The following CKM variants were observed in gnomAD, a reference collection of about 807,000 sequenced individuals.
The protein encoded by CKM is creatine kinase, M-type.
A neutral mutation model predicts 35.4 loss-of-function variants in CKM; 28 were observed. That is an observed-to-expected ratio of 0.79 (90% confidence interval 0.59 to 1.08). CKM has a LOEUF of 1.08. Ranked by LOEUF, CKM falls within the 50% of genes least tolerant of loss-of-function variation. The pLI is 0.00. For synonymous variants in CKM, 215 were observed against 204.4 expected, an observed-to-expected ratio of 1.05 and a Z score of -0.44; for missense variants, 484 against 509.8, an observed-to-expected ratio of 0.95 and a Z score of 0.49.
intron 4 of CKM, among the ~76,000 whole-genome samples, chr19:45,314,472 G>A (rs1971138977): frequency 6.6e-6 from 1 of 151,908 alleles, no homozygotes; most frequent in Non-Finnish European, 1.5e-5. Context: ...GGAGTGCAGT[G>A]GCGTGATCTC....
intron 1 of CKM, among the ~76,000 whole-genome samples, chr19:45,320,223 A>T (rs751563897): frequency 6.6e-6 from 1 of 152,108 alleles, no homozygotes; most frequent in Non-Finnish European, 1.5e-5. Context: ...AGTAGCTGGG[A>T]TTACAGGCGC....
intron 3 of CKM, among the ~76,000 whole-genome samples, chr19:45,317,111 C>CT (rs201586903): frequency 5.6e-4 from 84 of 149,512 alleles, no homozygotes; most frequent in African/African-American, 6.3e-4. Flanking sequence ...TCTCTCTTTC[C>CT]TTTTTTTATT....
intron 3 of CKM, 42 bp downstream of exon 3, chr19:45,317,783 C>A: frequency 6.2e-7 from 1 of 1,610,078 alleles, no homozygotes; most frequent in Admixed American, 1.7e-5. Flanking sequence ...TGATCTCTCT[C>A]CTCCTCACCC....
At chr19:45,310,437 A>T (rs1366232500) in intron 5 of CKM, among the ~76,000 whole-genome samples, 1 of 152,026 alleles carries the variant, frequency 6.6e-6, no homozygotes, top group Non-Finnish European at 1.5e-5. Context: ...TGCTTTTAAT[A>T]CTTTACATAA....
chr19:45,311,929 A>G lies in CKM; in HGVS notation c.482-9T>C. Reference sequence around the variant, plus strand: ...CGTCAGGCTGTTGAGAGCTATGGGGACACACGAGGGAGTGGTCAGCAGCCT... The same window carrying G: ...CGTCAGGCTGTTGAGAGCTATGGGGGCACACGAGGGAGTGGTCAGCAGCCT... On this transcript the variant is annotated splice_polypyrimidine_tract_variant and intron_variant, in intron 4 of 7. Transcript: ENST00000221476. The G allele has an allele frequency of 6.2e-7, 1 of 1,613,648 alleles. No homozygotes were observed. The highest frequency in any genetic ancestry group is 8.5e-7 in the Non-Finnish European group (1 of 1,179,892).
At position 45,306,818 on chromosome 19, in the gene CKM, T is replaced by C; in HGVS notation, c.1078A>G (p.Met360Val). 1.2e-6 allele frequency: 2 copies of C among 1,613,138 alleles called. No homozygotes were observed. The highest frequency in any genetic ancestry group is 1.7e-6 in the Non-Finnish European group (2 of 1,179,076). Residue 360 changes from methionine (M) to valine (V), a missense_variant, in exon 8 of 8, where the codon ATG becomes GTG. Physicochemically the swap from Met to Val is conservative, Grantham distance 21. Transcript: ENST00000221476. This position sits in a 1 kb window ranked among gnomAD's most constrained non-coding sequence, Gnocchi z 4.5. ...VQLVVDGVKL[M>V]VEMEKKLEKG... ...TCCAACTTCTTCTCCATTTCCACCA[T>C]GAGCTTCACACCATCCACCACCAGC...
At chr19:45,321,634 T>C (rs2123148171) in intron 1 of CKM, among the ~76,000 whole-genome samples, 1 of 152,144 alleles carries the variant, frequency 6.6e-6, no homozygotes, top group Admixed American at 6.6e-5. Flanking sequence ...TTATTACTAC[T>C]TTTTTGCAGA....
Position 45,317,927 on chromosome 19 carries a change from G to A in CKM, c.246C>T (p.Tyr82=), listed in dbSNP as rs554894916. ...VGCVAGDEES[Y]EVFKELFDPI... ...GGTCAAAGAGTTCCTTGAAAACTTCGTAGGACTCCTCATCACCAGCCACGC... is the reference window on the plus strand; with the variant it reads ...GGTCAAAGAGTTCCTTGAAAACTTCATAGGACTCCTCATCACCAGCCACGC... The change falls in exon 3 of 8, where the codon TAC becomes TAT. Residue 82 remains tyrosine, a synonymous_variant. Coordinates refer to ENST00000221476, the MANE Select transcript of CKM (RefSeq NM_001824.5). 76 of 1,613,714 alleles carry A rather than the reference G, an allele frequency of 4.7e-5. No homozygotes were observed. Among genetic ancestry groups the A allele is most frequent in the East Asian group, 2.5e-4 (11 of 44,890 alleles).
intron 5 of CKM, among the ~76,000 whole-genome samples, chr19:45,311,368 G>C (rs1294009246): frequency 6.6e-6 from 1 of 151,898 alleles, no homozygotes; most frequent in Non-Finnish European, 1.5e-5. Context: ...CAAGTAGCTG[G>C]GACTACAGGC....
At chr19:45,312,421 CTT>C (rs1249373380) in intron 4 of CKM, among the ~76,000 whole-genome samples, 157 of 142,124 alleles carry the variant, frequency 1.1e-3, no homozygotes, top group African/African-American at 2.7e-3. Context: ...AGACCCCCAT[CTT>C]TTTTTTTTTT....
chr19:45,316,739 G>C (rs1209373885), intron 3 of CKM, among the ~76,000 whole-genome samples: 1 of 151,296 alleles, frequency 6.6e-6, no homozygotes, highest in East Asian at 1.9e-4. Context: ...GCTCCCTTCT[G>C]TCTCCCTCTG....
At chr19:45,313,716 G>A (rs1246085858) in intron 4 of CKM, among the ~76,000 whole-genome samples, 1 of 152,152 alleles carries the variant, frequency 6.6e-6, no homozygotes, top group Admixed American at 6.5e-5. Flanking sequence ...GCGTGGTGGC[G>A]CATGCCGGTG....
In CKM at chr19:45,316,010, G is replaced by A. The variant is rs941313862; in HGVS notation, c.349-413C>T. On this transcript the variant is annotated intron_variant, in intron 3 of 7. Transcript: ENST00000221476. Reference sequence around the variant, plus strand: ...CAGGTAGGTATATGCCACCATGTTCGGCTAACTTAAAATAAATTTTTTATA... The same window carrying A: ...CAGGTAGGTATATGCCACCATGTTCAGCTAACTTAAAATAAATTTTTTATA... 2.6e-5 allele frequency among the ~76,000 whole-genome samples: 4 copies of A among 151,078 alleles called. No homozygotes were observed. In the South Asian group the frequency reaches 6.3e-4, roughly 24 times the overall value.
At position 45,319,568 on chromosome 19, in the gene CKM, G is replaced by A. The variant is rs371827047; in HGVS notation, c.146C>T (p.Ser49Phe). Residue 49 changes from serine to phenylalanine, a missense_variant, in exon 2 of 8, where the codon TCT (serine) becomes TTT (phenylalanine). Transcript: ENST00000221476. ...YKKLRDKETP[S>F]GFTVDDVIQT... ...GATGACATCGTCTACAGTGAAGCCA[G>A]ATGGAGTCTCCTTGTCCCGCAGCTT... 1 of 1,614,184 alleles carries A rather than the reference G, an allele frequency of 6.2e-7. No individual in the cohort carries two copies. The highest frequency in any genetic ancestry group is 1.1e-5 in the South Asian group (1 of 91,084).
chr19:45,307,886 CAG>C (rs1971069873), intron 6 of CKM, among the ~76,000 whole-genome samples: 2 of 134,356 alleles, frequency 1.5e-5, no homozygotes, highest in South Asian at 4.9e-4. Flanking sequence ...TTTTTTTTTC[CAG>C]AGTCTCTCTG....
chr19:45,315,542 C>T lies in CKM; in HGVS notation c.404G>A (p.Arg135His), dbSNP rs370269966. 36 of 1,602,686 alleles carry T rather than the reference C, an allele frequency of 2.2e-5. No homozygotes were observed. The East Asian group carries it at 2.7e-4, about 12-fold the overall frequency. Residue 135 changes from arginine to histidine, a missense_variant, in exon 4 of 8, where the codon CGC becomes CAC. By Grantham distance (29) the Arg-to-His change is conservative. Transcript: ENST00000221476. Reference protein sequence around the residue: ...YVLSSRVRTGRSIKGYTLPPH... With the variant: ...YVLSSRVRTGHSIKGYTLPPH... ...GGGCAACGTGTAGCCCTTGATGCTGCGGCCAGTGCGGACGCGGCTGCTGAG... is the reference window on the plus strand; with the variant it reads ...GGGCAACGTGTAGCCCTTGATGCTGTGGCCAGTGCGGACGCGGCTGCTGAG...
At chr19:45,319,993 G>C (rs1009828600) in intron 1 of CKM, among the ~76,000 whole-genome samples, 9 of 151,836 alleles carry the variant, frequency 5.9e-5, no homozygotes, top group Non-Finnish European at 1.3e-4. Context: ...GTTTCACCAT[G>C]TTAGCCAGGA....
chr19:45,317,579 C>T (rs1462216580), intron 3 of CKM, among the ~76,000 whole-genome samples: 2 of 151,338 alleles, frequency 1.3e-5, no homozygotes, highest in Admixed American at 6.6e-5. Flanking sequence ...GAGCCACCGC[C>T]GTGCCCAGCC....
At chr19:45,308,027 A>C (rs1430428975) in intron 6 of CKM, among the ~76,000 whole-genome samples, 1 of 151,768 alleles carries the variant, frequency 6.6e-6, no homozygotes, top group Admixed American at 6.6e-5. Flanking sequence ...CTACGCCTGG[A>C]TAATTTATTT....
Sources: allele counts gnomAD v4.1 joint callset (sites outside exome capture counted in the v4.1 genomes callset), GRCh38; gene constraint gnomAD v4.1.1; non-coding constraint Gnocchi (gnomAD v3.1); transcripts MANE v1.5; gene names NCBI Gene and HGNC (gene_info 2026-07-23, HGNC 2026-07-21).